The following MXI1 variants were observed in gnomAD, a reference collection of about 807,000 sequenced individuals.
The protein encoded by MXI1 is MAX interactor 1, dimerization protein.
A neutral mutation model predicts 36.9 loss-of-function variants in MXI1; 18 were observed. The ratio of observed to expected loss-of-function variants is 0.49; its 90% CI spans 0.34 to 0.72. MXI1 has a LOEUF of 0.72. Ranked by LOEUF, MXI1 falls within the 30% of genes least tolerant of loss-of-function variation. MXI1 has a pLI of 0.01. For missense variants in MXI1, 304 were observed against 379.1 expected (o/e 0.80, Z 1.64); for synonymous variants, 160 against 146.7 (o/e 1.09, Z -0.65).
At chr10:110,237,230 G>A (rs1330739543) in intron 2 of MXI1, among the ~76,000 whole-genome samples, 2 of 152,052 alleles carry the variant, frequency 1.3e-5, no homozygotes, top group Non-Finnish European at 2.9e-5. Flanking sequence ...AGAACCTCTA[G>A]TACAGTGCTG....
At chr10:110,283,286 G>C (rs1180748535) in intron 5 of MXI1, among the ~76,000 whole-genome samples, 2 of 147,202 alleles carry the variant, frequency 1.4e-5, no homozygotes, top group Non-Finnish European at 1.5e-5. Flanking sequence ...TTTTGAGAGA[G>C]AGTGTCTCGC....
chr10:110,246,334 A>G (rs1364297373), intron 3 of MXI1, among the ~76,000 whole-genome samples: 2 of 152,074 alleles, frequency 1.3e-5, no homozygotes, highest in Non-Finnish European at 2.9e-5. Flanking sequence ...TAAAAAAAAA[A>G]TGAGAGAGAT....
intron 3 of MXI1, among the ~76,000 whole-genome samples, chr10:110,271,019 G>A (rs1349154812): frequency 2.0e-5 from 3 of 151,938 alleles, no homozygotes; most frequent in African/African-American, 7.3e-5. Flanking sequence ...TTGAGCCTGG[G>A]AGGCGGAGGT....
intron 1 of MXI1, among the ~76,000 whole-genome samples, chr10:110,213,370 C>T (rs147372965): frequency 2.6e-5 from 4 of 152,290 alleles, no homozygotes; most frequent in African/African-American, 9.6e-5. Flanking sequence ...GCAGATGCTT[C>T]TTTCTGAAAA....
chr10:110,255,272 T>C (rs1856244747), intron 3 of MXI1, among the ~76,000 whole-genome samples: 1 of 152,226 alleles, frequency 6.6e-6, no homozygotes, highest in African/African-American at 2.4e-5. Flanking sequence ...CATAGTTTAC[T>C]ATTTGACGCC....
At chr10:110,243,586 A>G (rs993876317) in intron 2 of MXI1, among the ~76,000 whole-genome samples, 3 of 152,150 alleles carry the variant, frequency 2.0e-5, no homozygotes, top group African/African-American at 7.2e-5. Flanking sequence ...CTACAAAATG[A>G]TTAAAGTTTT....
intron 3 of MXI1, among the ~76,000 whole-genome samples, chr10:110,276,839 T>G (rs1187705239): frequency 6.6e-6 from 1 of 151,410 alleles, no homozygotes; most frequent in Admixed American, 6.6e-5. Flanking sequence ...CTTTCTTTTC[T>G]TTTCTTTTTT....
chr10:110,267,891 T>C (rs1178783316), intron 3 of MXI1, among the ~76,000 whole-genome samples: 3 of 152,216 alleles, frequency 2.0e-5, no homozygotes, highest in Non-Finnish European at 2.9e-5. Context: ...TTGGGTCTTA[T>C]TTTCCAAAAT....
At chr10:110,233,970 C>T (rs552281295) in intron 2 of MXI1, among the ~76,000 whole-genome samples, 2 of 152,184 alleles carry the variant, frequency 1.3e-5, no homozygotes, top group Admixed American at 1.3e-4. Flanking sequence ...TGTAGAAGAT[C>T]ACAAAATGTA....
intron 1 of MXI1, among the ~76,000 whole-genome samples, chr10:110,215,740 G>C (rs1854621625): frequency 6.6e-6 from 1 of 152,176 alleles, no homozygotes. Context: ...ACATTTGGGG[G>C]CTGGGAGGAG....
intron 4 of MXI1, 133 bp from the exon 5 acceptor site, chr10:110,279,781 T>G (rs956776667): frequency 3.6e-6 from 2 of 561,506 alleles, no homozygotes; most frequent in African/African-American, 3.9e-5. Context: ...TTGGAGGCTT[T>G]AAAATGTATT....
chr10:110,216,956 C>G (rs1590326928), intron 1 of MXI1, among the ~76,000 whole-genome samples: 3 of 152,212 alleles, frequency 2.0e-5, no homozygotes, highest in Admixed American at 2.0e-4. Flanking sequence ...GCATGAGCCA[C>G]CGTGCCCGGC....
At chr10:110,282,253 C>G (rs867318832) in intron 5 of MXI1, among the ~76,000 whole-genome samples, 1 of 151,752 alleles carries the variant, frequency 6.6e-6, no homozygotes, top group Non-Finnish European at 1.5e-5. Context: ...CTTTTAAATT[C>G]TTTTGAATGC....
intron 3 of MXI1, among the ~76,000 whole-genome samples, chr10:110,272,835 G>C (rs1188422289): frequency 6.6e-6 from 1 of 151,906 alleles, no homozygotes; most frequent in African/African-American, 2.4e-5. Flanking sequence ...TGAGAAGAGA[G>C]TCCCAGCTAT....
intron 1 of MXI1, chr10:110,208,588 A>G (rs939585043): frequency 6.6e-6 from 1 of 152,360 alleles, no homozygotes; most frequent in Non-Finnish European, 1.5e-5. Flanking sequence ...AATAACAACC[A>G]AACAGCTCTC....
rs79284693 is a variant in MXI1 at position 110,234,360 on chromosome 10, T to C, written c.407+6039T>C. On this transcript the variant is annotated intron_variant, in intron 2 of 5. Transcript: ENST00000332674. ...CCAGGTCCCATTTTTAGTGTGATTG[T>C]ATAGTGCTGATGAAATATAAACATG... Among the ~76,000 whole-genome samples the C allele has an allele frequency of 1.9e-4, 29 of 152,320 alleles. No individual in the cohort carries two copies. In the East Asian group the frequency reaches 5.4e-3, roughly 28 times the overall value.
intron 2 of MXI1, among the ~76,000 whole-genome samples, chr10:110,235,107 G>A (rs1247783884): frequency 1.3e-5 from 2 of 152,126 alleles, no homozygotes; most frequent in Admixed American, 6.6e-5. Flanking sequence ...AGCTTCTTCT[G>A]TTGTTTGCTT....
chr10:110,211,013 G>A (rs941602360), intron 1 of MXI1, among the ~76,000 whole-genome samples: 1 of 152,080 alleles, frequency 6.6e-6, no homozygotes, highest in African/African-American at 2.4e-5. Flanking sequence ...AAGGAAGCAG[G>A]GACCCTAGCT....
Position 110,284,925 on chromosome 10 carries a change from C to T in MXI1, c.826C>T (p.Pro276Ser). 1 of 1,613,906 alleles carries T rather than the reference C, an allele frequency of 6.2e-7. No homozygotes were observed. The change falls in exon 6 of 6, where the codon CCG becomes TCG. Residue 276 changes from proline to serine, a missense_variant. By Grantham distance (74) the Pro-to-Ser change is moderately conservative. Coordinates refer to ENST00000332674, the MANE Select transcript of MXI1 (RefSeq NM_130439.3). The stretch of plus-strand genomic sequence containing the variant: ...TGACATTGATGACCACAGCAGCCTG[C>T]CGAGTATTGGGAGTGACGAGGGTTA... ...ISDIDDHSSL[P>S]SIGSDEGYSS... is the part of the protein sequence containing the mutation.
Sources: allele counts gnomAD v4.1 joint callset (sites outside exome capture counted in the v4.1 genomes callset), GRCh38; gene constraint gnomAD v4.1.1; transcripts MANE v1.5; gene names NCBI Gene and HGNC (gene_info 2026-07-23, HGNC 2026-07-21).